Variants in ADAMTS2 observed in about 807,000 individuals in gnomAD.
The protein encoded by ADAMTS2 is ADAM metallopeptidase with thrombospondin type 1 motif 2, also known as A disintegrin and metalloproteinase with thrombospondin motifs 2.
A neutral mutation model predicts 123.0 loss-of-function variants in ADAMTS2; 50 were observed. The ratio of observed to expected loss-of-function variants is 0.41; its 90% CI spans 0.32 to 0.51. The LOEUF is 0.51. ADAMTS2 is among the 20% of genes least tolerant of loss of function. The probability of loss-of-function intolerance (pLI) is 0.35; values close to 1 mark genes in which losing one functional copy is unlikely to be tolerated. For synonymous variants in ADAMTS2, 678 were observed against 695.4 expected, an observed-to-expected ratio of 0.98 and a Z score of 0.39; for missense variants, 1,494 against 1,705.2, an observed-to-expected ratio of 0.88 and a Z score of 2.18.
intron 2 of ADAMTS2, among the ~76,000 whole-genome samples, chr5:179,287,587 C>T (rs148623547): frequency 2.7e-5 from 4 of 146,608 alleles, no homozygotes; most frequent in South Asian, 2.2e-4. Context: ...GCTGAGTCTA[C>T]GCAGCTGTTG....
chr5:179,127,661 G>A (rs2113194778), intron 17 of ADAMTS2, among the ~76,000 whole-genome samples: 1 of 152,166 alleles, frequency 6.6e-6, no homozygotes, highest in South Asian at 2.1e-4. Flanking sequence ...TCCTTCTGAG[G>A]TGTCCACACA....
In ADAMTS2 at chr5:179,228,063, G is replaced by A. The variant is rs901081723; in HGVS notation, c.689-20348C>T. Among the ~76,000 whole-genome samples, 2 of 152,286 alleles carry A rather than the reference G, an allele frequency of 1.3e-5. No homozygotes were observed. Among genetic ancestry groups the A allele is most frequent in the East Asian group, 1.9e-4 (1 of 5,168 alleles). ...AGCCGCGTGGGAGGAGGAGAAGGCC[G>A]TGTGGGGCGTGTTGGGCTGAGATTT... is the stretch of plus-strand genomic sequence containing the variant. On this transcript the variant is annotated intron_variant, in intron 3 of 21. Transcript: ENST00000251582. The surrounding 1 kb of genome is among the most constrained non-coding windows in gnomAD (Gnocchi z 5.2).
chr5:179,277,342 C>CG (rs1766732718), intron 2 of ADAMTS2, among the ~76,000 whole-genome samples: 1 of 26,122 alleles, frequency 3.8e-5, no homozygotes, highest in Non-Finnish European at 6.0e-5. Context: ...AAAGGCTGAC[C>CG]CCCCTGAGAC....
intron 3 of ADAMTS2, among the ~76,000 whole-genome samples, chr5:179,211,854 A>G (rs539692862): frequency 1.4e-4 from 21 of 152,154 alleles, no homozygotes; most frequent in Non-Finnish European, 2.6e-4. Context: ...TGGCAGCTCC[A>G]TACCCCCAGC....
Position 179,132,443 on chromosome 5 carries a change from G to T in ADAMTS2, c.2210-133C>A. ...CTCCCAGGACCCTGGTATTTCTCTG[G>T]CTTTGAGGACCCACCTGAGAGGGGC... On this transcript the variant is annotated intron_variant, in intron 14 of 21. Transcript: ENST00000251582. The surrounding 1 kb of genome is among the most constrained non-coding windows in gnomAD (Gnocchi z 6.1). 2.1e-6 allele frequency: 2 copies of T among 964,206 alleles called. No individual in the cohort carries two copies. The highest frequency in any genetic ancestry group is 1.6e-6 in the Non-Finnish European group (1 of 625,050). The allele number at this position is 964,206 out of a possible 1,614,324, so 59.7% of individuals were successfully genotyped here.
chr5:179,112,763 C>G lies in ADAMTS2; in HGVS notation c.*1104G>C, dbSNP rs1030683895. ...CTCACTGGACCTTCCCAGCAGAGCA[C>G]GTGCCTCTCTCATCTTTCTCAGGTA... On this transcript the variant is annotated 3_prime_UTR_variant, in exon 22 of 22. Transcript: ENST00000251582. 1 of 152,268 alleles carries G rather than the reference C, an allele frequency of 6.6e-6. No homozygotes were observed. Among genetic ancestry groups the G allele is most frequent in the Non-Finnish European group, 1.5e-5 (1 of 68,098 alleles). 9.4% of individuals were successfully genotyped at this position (152,268 alleles called of 1,614,324 possible). A position where few individuals can be genotyped will look rare whatever the true frequency, so the allele number is the denominator to read the frequency against.
rs143543269 is a variant in ADAMTS2 at position 179,256,879 on chromosome 5, G to A, written c.688+16032C>T. On this transcript the variant is annotated intron_variant, in intron 3 of 21. Coordinates refer to ENST00000251582, the MANE Select transcript of ADAMTS2 (RefSeq NM_014244.5). This position sits in a 1 kb window ranked among gnomAD's most constrained non-coding sequence, Gnocchi z 4.1. Reference sequence around the variant, plus strand: ...CATTGCGGGGTGGGGCGGCGAGGCCGCCCAAGAGCTGCAGGGCTGAGGCCT... The same window carrying A: ...CATTGCGGGGTGGGGCGGCGAGGCCACCCAAGAGCTGCAGGGCTGAGGCCT... Among the ~76,000 whole-genome samples the A allele has an allele frequency of 3.2e-3, 488 of 152,372 alleles. 2 individuals carry two copies. The highest frequency in any genetic ancestry group is 0.011 in the African/African-American group (466 of 41,592).
intron 4 of ADAMTS2, among the ~76,000 whole-genome samples, chr5:179,204,677 G>C (rs1260876470): frequency 6.6e-6 from 1 of 152,248 alleles, no homozygotes; most frequent in Non-Finnish European, 1.5e-5. Context: ...TGAGGACGCA[G>C]GGCATTCATC....
Position 179,192,726 on chromosome 5 carries a change from C to G in ADAMTS2, c.892-11571G>C, listed in dbSNP as rs74487592. On this transcript the variant is annotated intron_variant, in intron 4 of 21. Coordinates refer to ENST00000251582, the MANE Select transcript of ADAMTS2 (RefSeq NM_014244.5). ...TGGCTGCAGGGAAGTTTCCCTTGCT[C>G]TGAAGTTTCCTCACTCTGTGAACAT... 4.6e-3 allele frequency among the ~76,000 whole-genome samples: 700 copies of G among 152,348 alleles called. 8 individuals are homozygous for G. Among genetic ancestry groups the G allele is most frequent in the African/African-American group, 0.016 (659 of 41,580 alleles).
rs576880198 is a variant in ADAMTS2 at position 179,170,397 on chromosome 5, G to A, written c.975+10675C>T. Among the ~76,000 whole-genome samples, 52 of 152,166 alleles carry A rather than the reference G, an allele frequency of 3.4e-4. No homozygotes were observed. The highest frequency in any genetic ancestry group is 9.2e-4 in the African/African-American group (38 of 41,508). ...ACATCCCCCAGAGTCTGTCCCCACC[G>A]TGGGGGGGACAGCTCAGCCCCCTCC... On this transcript the variant is annotated intron_variant, in intron 5 of 21. Transcript: ENST00000251582. The surrounding 1 kb of genome is among the most constrained non-coding windows in gnomAD (Gnocchi z 4.3).
rs1764214926 is a variant in ADAMTS2, at chr5:179,188,006, G to A, written c.892-6851C>T. On this transcript the variant is annotated intron_variant, in intron 4 of 21. Coordinates refer to ENST00000251582, the MANE Select transcript of ADAMTS2 (RefSeq NM_014244.5). The surrounding 1 kb of genome is among the most constrained non-coding windows in gnomAD (Gnocchi z 5.1). ...GGTGGCCTGCGGCTGCTGGGCAGAG[G>A]TGACTTTGTCCTCTGCCAAGGTGGG... is the stretch of plus-strand genomic sequence containing the variant. 6.6e-6 allele frequency among the ~76,000 whole-genome samples: 1 copy of A among 152,072 alleles called. No individual in the cohort carries two copies. Among genetic ancestry groups the A allele is most frequent in the Non-Finnish European group, 1.5e-5 (1 of 68,002 alleles).
intron 3 of ADAMTS2, among the ~76,000 whole-genome samples, chr5:179,219,844 C>G (rs1581199461): frequency 6.6e-6 from 1 of 152,206 alleles, no homozygotes; most frequent in Non-Finnish European, 1.5e-5. Flanking sequence ...CTTCGTCCCC[C>G]CAGCACCCGC....
At chr5:179,295,688 G>A (rs540915753) in intron 2 of ADAMTS2, among the ~76,000 whole-genome samples, 1 of 152,332 alleles carries the variant, frequency 6.6e-6, no homozygotes, top group South Asian at 2.1e-4. Flanking sequence ...AAAGTCCCAG[G>A]CTGGTCCAGA....
intron 3 of ADAMTS2, among the ~76,000 whole-genome samples, chr5:179,224,245 C>T (rs540614462): frequency 1.3e-5 from 2 of 152,296 alleles, no homozygotes; most frequent in Admixed American, 1.3e-4. Context: ...CCGTCTTCTC[C>T]TCTTTTTCTT....
At chr5:179,137,262 T>G (rs1277534966) in intron 12 of ADAMTS2, among the ~76,000 whole-genome samples, 1 of 152,252 alleles carries the variant, frequency 6.6e-6, no homozygotes, top group Non-Finnish European at 1.5e-5. Context: ...GGTCCCCAGC[T>G]GCCACACAAG....
intron 21 of ADAMTS2, chr5:179,121,369 G>A (rs911533058): frequency 1.4e-4 from 33 of 243,638 alleles, no homozygotes; most frequent in Non-Finnish European, 2.3e-4. Flanking sequence ...CGGCCCGGAG[G>A]GTCGCCCTTT....
Position 179,188,149 on chromosome 5 carries a change from G to T in ADAMTS2, c.892-6994C>A, listed in dbSNP as rs1256137610. ...GAACAGCAGCCACCCCAACCTTCAG[G>T]AAAGTTCCCATGTCCTTCGCTCAGC... On this transcript the variant is annotated intron_variant, in intron 4 of 21. Coordinates refer to ENST00000251582, the MANE Select transcript of ADAMTS2 (RefSeq NM_014244.5). This position sits in a 1 kb window ranked among gnomAD's most constrained non-coding sequence, Gnocchi z 5.1. Among the ~76,000 whole-genome samples, 1 of 152,212 alleles carries T rather than the reference G, an allele frequency of 6.6e-6. No homozygotes were observed. Among genetic ancestry groups the T allele is most frequent in the Non-Finnish European group, 1.5e-5 (1 of 68,032 alleles).
In ADAMTS2 at chr5:179,129,751, C is replaced by T. The variant is rs986508279; in HGVS notation, c.2457+181G>A. On this transcript the variant is annotated intron_variant, in intron 16 of 21. Transcript: ENST00000251582. This position sits in a 1 kb window ranked among gnomAD's most constrained non-coding sequence, Gnocchi z 4.1. ...TCATGTGGGGTCCAGAGCCCCGGCTCGTGGATGCATGTCCCTTCCTGGCTC... is the reference window on the plus strand; with the variant it reads ...TCATGTGGGGTCCAGAGCCCCGGCTTGTGGATGCATGTCCCTTCCTGGCTC... Among the ~76,000 whole-genome samples the T allele has an allele frequency of 4.6e-5, 7 of 152,204 alleles. No homozygotes were observed. The highest frequency in any genetic ancestry group is 1.4e-4 in the African/African-American group (6 of 41,456).
chr5:179,276,138 C>G (rs1285495508), intron 2 of ADAMTS2, among the ~76,000 whole-genome samples: 8 of 152,178 alleles, frequency 5.3e-5, no homozygotes, highest in African/African-American at 1.7e-4. Context: ...GAAGACTCAG[C>G]AGATGCCTGT....
Sources: allele counts gnomAD v4.1 joint callset (sites outside exome capture counted in the v4.1 genomes callset), GRCh38; gene constraint gnomAD v4.1.1; non-coding constraint Gnocchi (gnomAD v3.1); transcripts MANE v1.5; gene names NCBI Gene and HGNC (gene_info 2026-07-23, HGNC 2026-07-21).